CALN1: variants seen among roughly 807,000 people sequenced by gnomAD.
CALN1 encodes the protein calneuron 1, also known as calcium-binding protein 8.
Under a neutral mutation model 30.6 loss-of-function variants are expected in CALN1, and 17 were observed. The ratio of observed to expected loss-of-function variants is 0.56; its 90% CI spans 0.38 to 0.83. CALN1 has a LOEUF of 0.83. Among genes scored for constraint, CALN1 ranks in the 40% least tolerant of loss-of-function variants. CALN1 has a pLI of 0.00. For missense variants in CALN1, 291 were observed against 354.9 expected (o/e 0.82, Z 1.45); for synonymous variants, 156 against 131.4 (o/e 1.19, Z -1.28).
rs557927712 is a variant in CALN1 at position 72,289,921 on chromosome 7, T to TA, written c.120-11112dup. Among the ~76,000 whole-genome samples the TA allele has an allele frequency of 3.7e-4, 56 of 151,112 alleles. 2 individuals carry two copies. In the South Asian group the frequency reaches 0.011, roughly 31 times the overall value. On this transcript the variant is annotated intron_variant, in intron 2 of 6. Transcript: ENST00000395275. ...AGCAAGACCTCATTTCTACAAAAAATAAAACAATTAGCCGGGCATAGTGGT... is the reference window on the plus strand; with the variant it reads ...AGCAAGACCTCATTTCTACAAAAAATAAAAACAATTAGCCGGGCATAGTGGT...
chr7:72,105,891 G>A (rs1267483601), intron 4 of CALN1, among the ~76,000 whole-genome samples: 1 of 149,412 alleles, frequency 6.7e-6, no homozygotes, highest in Non-Finnish European at 1.5e-5. Flanking sequence ...GGACAAGAAG[G>A]GAAAAAACAA....
At chr7:71,882,446 G>A (rs758875529) in intron 5 of CALN1, among the ~76,000 whole-genome samples, 2 of 152,086 alleles carry the variant, frequency 1.3e-5, no homozygotes, top group Admixed American at 6.6e-5. Flanking sequence ...CAGGGGTTAC[G>A]ACATGGACAT....
intron 2 of CALN1, among the ~76,000 whole-genome samples, chr7:72,384,656 AG>A (rs2129561051): frequency 6.6e-6 from 1 of 152,234 alleles, no homozygotes; most frequent in African/African-American, 2.4e-5. Flanking sequence ...GAAAAAAAAA[AG>A]TAAAAGCAAA....
At chr7:72,462,334 C>A in the CALN1 span, among the ~76,000 whole-genome samples, 1 of 152,082 alleles carries the variant, frequency 6.6e-6, no homozygotes, top group Non-Finnish European at 1.5e-5. Flanking sequence ...TACAGGTGTG[C>A]ACACCATGCC....
intron 2 of CALN1, among the ~76,000 whole-genome samples, chr7:72,342,050 G>A (rs1802410059): frequency 6.6e-6 from 1 of 151,970 alleles, no homozygotes; most frequent in Non-Finnish European, 1.5e-5. Context: ...TTGGGAATTT[G>A]AGACCAGCCA....
At chr7:71,966,874 T>C (rs1036131750) in intron 5 of CALN1, among the ~76,000 whole-genome samples, 1 of 152,228 alleles carries the variant, frequency 6.6e-6, no homozygotes, top group African/African-American at 2.4e-5. Context: ...TTGTAAGTTG[T>C]AAATCCCCCC....
chr7:72,220,789 GC>G (rs1341516959), intron 3 of CALN1, among the ~76,000 whole-genome samples: 2 of 152,162 alleles, frequency 1.3e-5, no homozygotes, highest in Non-Finnish European at 2.9e-5. Flanking sequence ...TTCTCTGATG[GC>G]CAGTGATGAT....
chr7:72,289,659 C>T (rs953613986), intron 2 of CALN1, among the ~76,000 whole-genome samples: 3 of 152,120 alleles, frequency 2.0e-5, no homozygotes, highest in Non-Finnish European at 4.4e-5. Flanking sequence ...CCACCACACA[C>T]ACACAATAGG....
At chr7:71,915,819 G>T (rs868067614) in intron 5 of CALN1, among the ~76,000 whole-genome samples, 2 of 151,796 alleles carry the variant, frequency 1.3e-5, no homozygotes, top group Non-Finnish European at 2.9e-5. Context: ...ACCTTTAGTG[G>T]ACCCAGTTTA....
At chr7:71,881,642 C>T (rs1041995564) in intron 5 of CALN1, among the ~76,000 whole-genome samples, 1 of 152,166 alleles carries the variant, frequency 6.6e-6, no homozygotes, top group Non-Finnish European at 1.5e-5. Context: ...TAGAGCTCAA[C>T]AGCCTTACCT....
the CALN1 span, among the ~76,000 whole-genome samples, chr7:72,459,950 T>A: frequency 6.6e-6 from 1 of 152,198 alleles, no homozygotes; most frequent in East Asian, 1.9e-4. Context: ...GGGGGTTTAT[T>A]TGGTTCATGG....
At chr7:71,804,301 G>A (rs1334522746) in intron 6 of CALN1, among the ~76,000 whole-genome samples, 3 of 152,204 alleles carry the variant, frequency 2.0e-5, no homozygotes, top group East Asian at 3.9e-4. Context: ...TTGAAGCTAT[G>A]AGTTCAAGAA....
chr7:72,225,219 G>A (rs764282015), intron 3 of CALN1, among the ~76,000 whole-genome samples: 5 of 152,142 alleles, frequency 3.3e-5, no homozygotes, highest in Middle Eastern at 3.4e-3. Flanking sequence ...GGCCGGGCTC[G>A]GCTTTCACGT....
At chr7:71,809,737 C>A (rs10265382) in intron 6 of CALN1, among the ~76,000 whole-genome samples, 24,755 of 151,828 alleles carry the variant, frequency 0.16, 2,947 homozygotes, top group East Asian at 0.6. Flanking sequence ...AAAAAAATAA[C>A]CTTTCATGGG....
intron 5 of CALN1, among the ~76,000 whole-genome samples, chr7:71,846,404 GA>G (rs1188689129): frequency 6.6e-5 from 10 of 152,156 alleles, no homozygotes; most frequent in African/African-American, 2.4e-4. Flanking sequence ...TCAGGAGGAA[GA>G]AAGGAGCCCG....
chr7:72,336,828 G>C, intron 2 of CALN1: 1 of 985,042 alleles, frequency 1.0e-6, no homozygotes. Context: ...GCAGCGCTCA[G>C]CCTCTCGCTC....
intron 5 of CALN1, among the ~76,000 whole-genome samples, chr7:71,828,908 C>G (rs964710614): frequency 2.0e-5 from 3 of 151,682 alleles, no homozygotes; most frequent in African/African-American, 7.3e-5. Context: ...ACCACCACAC[C>G]CAGCTAATTT....
chr7:72,044,791 T>G (rs73369846), intron 4 of CALN1, among the ~76,000 whole-genome samples: 2,204 of 151,920 alleles, frequency 0.015, 68 homozygotes, highest in African/African-American at 0.048. Context: ...TTTTATTTAT[T>G]TAGTTATTCG....
chr7:71,823,462 G>A (rs1486417880), intron 5 of CALN1, among the ~76,000 whole-genome samples: 1 of 152,238 alleles, frequency 6.6e-6, no homozygotes, highest in Non-Finnish European at 1.5e-5. Context: ...GCTCACGCCT[G>A]TAATCCCAGC....
Sources: gnomAD v4.1 joint callset for allele counts (sites outside exome capture counted in the v4.1 genomes callset) on GRCh38, gnomAD v4.1.1 for gene constraint, MANE v1.5 for transcripts, NCBI Gene and HGNC (gene_info 2026-07-23, HGNC 2026-07-21) for gene names.